The following HDC variants were observed in gnomAD, a reference collection of about 807,000 sequenced individuals.
HDC encodes the protein histidine decarboxylase.
A neutral mutation model predicts 64.4 loss-of-function variants in HDC; 27 were observed. The observed-to-expected ratio is 0.42, with a 90% confidence interval of 0.31 to 0.58. The LOEUF (loss-of-function observed/expected upper bound fraction) is 0.58, where lower values mean the gene tolerates loss of function less well. Ranked by LOEUF, HDC falls within the 20% of genes least tolerant of loss-of-function variation. HDC has a pLI of 0.16. For synonymous variants in HDC, 305 were observed against 314.2 expected (o/e 0.97, Z 0.31); for missense variants, 711 against 833.9 (o/e 0.85, Z 1.81).
rs1298346644 is a variant in HDC at position 50,263,422 on chromosome 15, G to A, written c.32-15C>T. The A allele has an allele frequency of 1.2e-6, 2 of 1,613,482 alleles. No homozygotes were observed. The highest frequency in any genetic ancestry group is 8.5e-7 in the Non-Finnish European group (1 of 1,179,614). ...CATCTCTCTCCCTAGAAGTGACATA[G>A]AGAAATCAGGCTGAAATCCCCTGAC... On this transcript the variant is annotated splice_polypyrimidine_tract_variant and intron_variant, in intron 1 of 11. Transcript: ENST00000267845.
Position 50,248,338 on chromosome 15 carries a change from C to T in HDC, c.1047G>A (p.Trp349Ter). ...GAAACCGTCGGCTCAGGGGGATCTG[C>T]CAGTGCTAGAAACAAAGGAACACAG... ...NSGVATDFMH[W>*]QIPLSRRFRS... Residue 349 changes from tryptophan to a stop codon, truncating the protein, a stop_gained, in exon 10 of 12, where the codon TGG becomes TGA. Coordinates refer to ENST00000267845, the MANE Select transcript of HDC (RefSeq NM_002112.4). LOFTEE classifies it high-confidence loss of function. The surrounding 1 kb of genome is among the most constrained non-coding windows in gnomAD (Gnocchi z 4.3). 1 of 1,612,742 alleles carries T rather than the reference C, an allele frequency of 6.2e-7. No individual in the cohort carries two copies.
intron 1 of HDC, among the ~76,000 whole-genome samples, chr15:50,264,041 C>T (rs1377573001): frequency 2.6e-5 from 4 of 152,146 alleles, no homozygotes; most frequent in African/African-American, 4.8e-5. Flanking sequence ...AGAAACAGAA[C>T]ATCTATTAAC....
intron 3 of HDC, among the ~76,000 whole-genome samples, chr15:50,257,874 T>C (rs899410821): frequency 4.6e-5 from 7 of 152,116 alleles, no homozygotes; most frequent in Non-Finnish European, 8.8e-5. Context: ...GGGGGATGTT[T>C]TCCTAGAAAA....
chr15:50,243,606 C>T (rs2045433948), intron 10 of HDC, among the ~76,000 whole-genome samples: 1 of 152,240 alleles, frequency 6.6e-6, no homozygotes, highest in African/African-American at 2.4e-5. Flanking sequence ...AAACCCAGTC[C>T]ATGCTCTGCG....
intron 9 of HDC, among the ~76,000 whole-genome samples, chr15:50,250,080 C>T (rs2045534862): frequency 6.6e-6 from 1 of 152,202 alleles, no homozygotes; most frequent in African/African-American, 2.4e-5. Context: ...TGCTCTCTGT[C>T]CAGTGAGAGG....
At chr15:50,265,129 C>T (rs939432280) in intron 1 of HDC, among the ~76,000 whole-genome samples, 1 of 152,106 alleles carries the variant, frequency 6.6e-6, no homozygotes, top group African/African-American at 2.4e-5. Context: ...AGAGTAGGCA[C>T]CTACTAAATA....
intron 10 of HDC, 90 bp from the exon 11 acceptor site, chr15:50,243,334 G>C (rs1237606568): frequency 1.1e-6 from 1 of 884,442 alleles, no homozygotes; most frequent in African/African-American, 1.7e-5. Flanking sequence ...TTTTAAACCA[G>C]GGCCATCTTC....
Position 50,252,768 on chromosome 15 carries a change from C to T in HDC, c.794G>A (p.Arg265His), listed in dbSNP as rs138457034. The stretch of plus-strand genomic sequence containing the variant: ...ATCGATGTGGAGCCACAGCCCCTCA[C>T]GGGCACCTGAGGAGGCAAACATCAC... ...CLSELGPICA[R>H]EGLWLHIDAA... is the part of the protein sequence containing the mutation. Residue 265 changes from arginine (R) to histidine (H), a missense_variant, in exon 8 of 12, where the codon CGT (arginine) becomes CAT (histidine). Transcript: ENST00000267845. 1.7e-4 allele frequency: 267 copies of T among 1,612,632 alleles called. No individual in the cohort carries two copies. The highest frequency in any genetic ancestry group is 3.2e-4 in the Admixed American group (19 of 59,790).
rs1402027198 is a variant in HDC at position 50,254,636 on chromosome 15, G to A, written c.470C>T (p.Ala157Val). ...QSTVSESTLIALLAARKNKIL... is the reference protein window; with the variant it reads ...QSTVSESTLIVLLAARKNKIL... ...TTTGTTCTTCCTTGCTGCCAGCAGG[G>A]CAATCAAAGTGGATTCACTGACCGT... Residue 157 changes from alanine (A) to valine (V), a missense_variant, in exon 5 of 12, where the codon GCC becomes GTC. By Grantham distance (64) the Ala-to-Val change is moderately conservative. Coordinates refer to ENST00000267845, the MANE Select transcript of HDC (RefSeq NM_002112.4). The A allele has an allele frequency of 6.2e-7, 1 of 1,613,952 alleles. No individual in the cohort carries two copies. The highest frequency in any genetic ancestry group is 8.5e-7 in the Non-Finnish European group (1 of 1,179,938).
chr15:50,255,218 G>A (rs1595708027), intron 4 of HDC, among the ~76,000 whole-genome samples: 1 of 152,188 alleles, frequency 6.6e-6, no homozygotes, highest in Non-Finnish European at 1.5e-5. Flanking sequence ...TGGGAGTATA[G>A]ATTATCCAAA....
At chr15:50,251,651 T>C (rs906897590) in intron 9 of HDC, among the ~76,000 whole-genome samples, 3 of 152,094 alleles carry the variant, frequency 2.0e-5, no homozygotes, top group African/African-American at 4.8e-5. Context: ...GGCAAAATAC[T>C]GGCTGAGGAT....
At chr15:50,257,595 G>A (rs922256727) in intron 3 of HDC, 48 bp from the exon 4 acceptor site, 1 of 1,607,986 alleles carries the variant, frequency 6.2e-7, no homozygotes, top group East Asian at 2.2e-5. Flanking sequence ...AGGGCACTGA[G>A]GTGCCCCCAC....
intron 9 of HDC, among the ~76,000 whole-genome samples, chr15:50,251,655 T>G (rs915530549): frequency 3.3e-5 from 5 of 152,184 alleles, no homozygotes; most frequent in South Asian, 4.2e-4. Flanking sequence ...AAATACTGGC[T>G]GAGGATGTGG....
chr15:50,254,340 G>A, intron 5 of HDC, 67 bp from the exon 6 acceptor site: 1 of 1,595,506 alleles, frequency 6.3e-7, no homozygotes, highest in Non-Finnish European at 8.6e-7. Context: ...AGAAACTGCT[G>A]AAGCCTAAGA....
At chr15:50,253,575 C>T (rs778547112) in intron 7 of HDC, 25 bp downstream of exon 7, 4 of 1,603,500 alleles carry the variant, frequency 2.5e-6, no homozygotes, top group Middle Eastern at 1.7e-4. Flanking sequence ...CCTTGTCTTC[C>T]TAGCCACAGA....
chr15:50,255,148 C>G (rs975981855), intron 4 of HDC, among the ~76,000 whole-genome samples: 1 of 152,176 alleles, frequency 6.6e-6, no homozygotes, highest in African/African-American at 2.4e-5. Flanking sequence ...AACATTTCCC[C>G]TCCAGAAGAC....
chr15:50,242,774 G>A lies in HDC; in HGVS notation c.1475C>T (p.Ser492Phe). The A allele has an allele frequency of 6.2e-7, 1 of 1,613,984 alleles. No homozygotes were observed. The highest frequency in any genetic ancestry group is 8.5e-7 in the Non-Finnish European group (1 of 1,180,018). The change falls in exon 12 of 12, where the codon TCC (serine) becomes TTC (phenylalanine). Residue 492 changes from serine (S) to phenylalanine (F), a missense_variant. By Grantham distance (155) the Ser-to-Phe change is radical. This residue lies in a region of HDC where 483 missense variants were observed against 540.9 expected (regional missense o/e 0.89). Coordinates refer to ENST00000267845, the MANE Select transcript of HDC (RefSeq NM_002112.4). ...CCAGGCTCTGGCACCCCTGATTTGG[G>A]AGATGAGGTTCCCAACCCGAGGGCT... ...QPSPRVGNLI[S>F]QIRGARAWAC... is the part of the protein sequence containing the mutation.
intron 7 of HDC, 62 bp downstream of exon 7, chr15:50,253,538 G>C (rs2045586048): frequency 6.9e-7 from 1 of 1,439,968 alleles, no homozygotes; most frequent in Non-Finnish European, 9.8e-7. Context: ...TCAGGTCCTT[G>C]CTTTAGGAGA....
intron 10 of HDC, among the ~76,000 whole-genome samples, chr15:50,244,461 C>A (rs1461553246): frequency 6.6e-6 from 1 of 151,832 alleles, no homozygotes; most frequent in African/African-American, 2.4e-5. Context: ...CACCACCATG[C>A]CCAGCTACAT....
Sources: gnomAD v4.1 joint callset for allele counts (sites outside exome capture counted in the v4.1 genomes callset) on GRCh38, gnomAD v4.1.1 for gene constraint, gnomAD v4.1.1 regional missense constraint, Gnocchi (gnomAD v3.1) non-coding constraint, MANE v1.5 for transcripts, NCBI Gene and HGNC (gene_info 2026-07-23, HGNC 2026-07-21) for gene names.